Variants in NWD2 observed in about 807,000 individuals in gnomAD.
NWD2 encodes the protein NACHT and WD repeat domain-containing protein 2.
In NWD2, 37 loss-of-function variants were observed where a neutral mutation model predicts 132.7. The ratio of observed to expected loss-of-function variants is 0.28; its 90% CI spans 0.21 to 0.37. NWD2 has a LOEUF of 0.37. Ranked by LOEUF, NWD2 falls within the 10% of genes least tolerant of loss-of-function variation. The pLI is 1.00. For synonymous variants in NWD2, 705 were observed against 803.0 expected (o/e 0.88, Z 2.06); for missense variants, 1,592 against 2,122.4 (o/e 0.75, Z 4.91).
intron 2 of NWD2, among the ~76,000 whole-genome samples, chr4:37,334,639 G>A (rs1313361673): frequency 1.3e-5 from 2 of 152,200 alleles, no homozygotes; most frequent in Non-Finnish European, 1.5e-5. Flanking sequence ...ACTGAGCCAA[G>A]ATTGAATCCA....
At chr4:37,382,095 A>AGCAAACACCC (rs1286848629) in intron 3 of NWD2, among the ~76,000 whole-genome samples, 1 of 152,216 alleles carries the variant, frequency 6.6e-6, no homozygotes, top group African/African-American at 2.4e-5. Flanking sequence ...AAGAAAACAC[A>AGCAAACACCC]GCAAACACCC....
chr4:37,266,701 T>A (rs769096843), intron 1 of NWD2, among the ~76,000 whole-genome samples: 2 of 152,094 alleles, frequency 1.3e-5, no homozygotes, highest in Non-Finnish European at 2.9e-5. Context: ...ATATTTTGTT[T>A]CTATTTTTCT....
At chr4:37,278,005 A>G (rs1160255172) in intron 1 of NWD2, among the ~76,000 whole-genome samples, 1 of 151,888 alleles carries the variant, frequency 6.6e-6, no homozygotes, top group Non-Finnish European at 1.5e-5. Flanking sequence ...TATTTTCTTT[A>G]ATTTTTAGGT....
Position 37,447,384 on chromosome 4 carries a change from G to T in NWD2, c.*167G>T, listed in dbSNP as rs1018484298. On this transcript the variant is annotated 3_prime_UTR_variant, in exon 7 of 7. Coordinates refer to ENST00000309447, the MANE Select transcript of NWD2 (RefSeq NM_001144990.2). ...GGACAAATAGGTTAGTCTTGGGTGT[G>T]GTCTTTTTGTCAAAGTGTATCCAGA... is the stretch of plus-strand genomic sequence containing the variant. 5.0e-6 allele frequency: 3 copies of T among 599,376 alleles called. No homozygotes were observed. The highest frequency in any genetic ancestry group is 6.0e-5 in the Admixed American group (2 of 33,058). 37.1% of individuals were successfully genotyped at this position (599,376 alleles called of 1,614,324 possible).
rs994161979 is a variant in NWD2 at position 37,448,260 on chromosome 4, G to C, written c.*1043G>C. Reference sequence around the variant, plus strand: ...GCAGATAGATGACCAAATACTCTGGGATAAACTGAATATGCCTGTCTTTGT... The same window carrying C: ...GCAGATAGATGACCAAATACTCTGGCATAAACTGAATATGCCTGTCTTTGT... On this transcript the variant is annotated 3_prime_UTR_variant, in exon 7 of 7. Coordinates refer to ENST00000309447, the MANE Select transcript of NWD2 (RefSeq NM_001144990.2). 1.3e-5 allele frequency: 2 copies of C among 152,146 alleles called. No homozygotes were observed. The highest frequency in any genetic ancestry group is 4.8e-5 in the African/African-American group (2 of 41,434). 9.4% of individuals were successfully genotyped at this position (152,146 alleles called of 1,614,324 possible). A position where few individuals can be genotyped will look rare whatever the true frequency, so the allele number is the denominator to read the frequency against.
At chr4:37,381,900 G>C (rs145602678) in intron 3 of NWD2, among the ~76,000 whole-genome samples, 1 of 152,182 alleles carries the variant, frequency 6.6e-6, no homozygotes, top group Admixed American at 6.5e-5. Flanking sequence ...TGATGTTGAA[G>C]AGAAAATTCT....
intron 2 of NWD2, among the ~76,000 whole-genome samples, chr4:37,345,197 T>C (rs1577674770): frequency 6.6e-6 from 1 of 152,338 alleles, no homozygotes; most frequent in East Asian, 1.9e-4. Context: ...TACAAGTTTT[T>C]ATGTGGACAT....
At chr4:37,375,120 T>C (rs1199084638) in intron 3 of NWD2, among the ~76,000 whole-genome samples, 2 of 152,206 alleles carry the variant, frequency 1.3e-5, no homozygotes, top group Admixed American at 6.5e-5. Flanking sequence ...CATGGCCAAA[T>C]AAATTGTTCC....
chr4:37,365,273 A>G (rs552140707), intron 3 of NWD2, among the ~76,000 whole-genome samples: 10 of 152,350 alleles, frequency 6.6e-5, no homozygotes, highest in African/African-American at 2.4e-4. Context: ...GGTATACAAA[A>G]CAAAATACAC....
intron 3 of NWD2, among the ~76,000 whole-genome samples, chr4:37,398,530 C>G (rs368656560): frequency 2.0e-4 from 31 of 152,224 alleles, no homozygotes; most frequent in African/African-American, 6.3e-4. Context: ...ATGCCGGGTT[C>G]ATAGGTGCAG....
At position 37,438,934 on chromosome 4, in the gene NWD2, T is replaced by C. The variant is rs976413647; in HGVS notation, c.840T>C (p.Asp280=). 6.4e-7 allele frequency: 1 copy of C among 1,551,946 alleles called. No homozygotes were observed. Among genetic ancestry groups the C allele is most frequent in the African/African-American group, 1.4e-5 (1 of 73,026 alleles). Residue 280 remains aspartate, a synonymous_variant, in exon 6 of 7, where the codon GAT becomes GAC. Coordinates refer to ENST00000309447, the MANE Select transcript of NWD2 (RefSeq NM_001144990.2). ...TCCCAGAGATGGGAAAATACATGGA[T>C]ATAACTGGAACAGAACCGAGGATTA... is the stretch of plus-strand genomic sequence containing the variant. The part of the protein sequence containing the change: ...VKIPEMGKYM[D]ITGTEPRIIR...
chr4:37,248,061 A>T (rs997411794), intron 1 of NWD2, among the ~76,000 whole-genome samples: 8 of 152,174 alleles, frequency 5.3e-5, no homozygotes, highest in Non-Finnish European at 7.3e-5. Flanking sequence ...GGCTGTATCA[A>T]ATTATACCAC....
At chr4:37,339,931 T>C (rs1288739070) in intron 2 of NWD2, among the ~76,000 whole-genome samples, 2 of 151,482 alleles carry the variant, frequency 1.3e-5, no homozygotes, top group African/African-American at 2.4e-5. Context: ...GAACAAGCGG[T>C]ATTTGAATTT....
chr4:37,320,304 T>C (rs1405006749), intron 1 of NWD2, among the ~76,000 whole-genome samples: 2 of 152,228 alleles, frequency 1.3e-5, no homozygotes, highest in African/African-American at 4.8e-5. Flanking sequence ...CAGTAGAAGA[T>C]AGAACTTAGC....
chr4:37,270,290 G>A (rs1717841797), intron 1 of NWD2, among the ~76,000 whole-genome samples: 1 of 151,656 alleles, frequency 6.6e-6, no homozygotes, highest in Non-Finnish European at 1.5e-5. Context: ...CAGGCACAGA[G>A]GTATTTAAAA....
At chr4:37,397,949 A>T (rs1720831590) in intron 3 of NWD2, among the ~76,000 whole-genome samples, 2 of 152,046 alleles carry the variant, frequency 1.3e-5, no homozygotes, top group Admixed American at 1.3e-4. Context: ...TTCCAAATCA[A>T]CTCTAAATTG....
chr4:37,349,296 C>A (rs1006214538), intron 2 of NWD2, among the ~76,000 whole-genome samples: 8 of 152,190 alleles, frequency 5.3e-5, no homozygotes, highest in Non-Finnish European at 8.8e-5. Flanking sequence ...TACACTCCCA[C>A]CAACAGCGTG....
At chr4:37,336,952 G>GAAAAAAAAAAAAAAAA (rs11371327) in intron 2 of NWD2, among the ~76,000 whole-genome samples, 1 of 119,004 alleles carries the variant, frequency 8.4e-6, no homozygotes, top group Non-Finnish European at 1.7e-5. Flanking sequence ...CTCAAAAAAA[G>GAAAAAAAAAAAAAAAA]AAAAAAAAAA....
chr4:37,361,727 G>A (rs970409058), intron 3 of NWD2, among the ~76,000 whole-genome samples: 2 of 152,150 alleles, frequency 1.3e-5, no homozygotes, highest in Admixed American at 6.5e-5. Context: ...TGCTGAAGGG[G>A]CAAGAACTGG....
Sources: gnomAD v4.1 joint callset for allele counts (sites outside exome capture counted in the v4.1 genomes callset) on GRCh38, gnomAD v4.1.1 for gene constraint, MANE v1.5 for transcripts, NCBI Gene and HGNC (gene_info 2026-07-23, HGNC 2026-07-21) for gene names.